The following NAALAD2 variants were observed in gnomAD, a reference collection of about 807,000 sequenced individuals.
NAALAD2 encodes the protein N-acetylated-alpha-linked acidic dipeptidase 2.
Under a neutral mutation model 95.6 loss-of-function variants are expected in NAALAD2, and 89 were observed. That is an observed-to-expected ratio of 0.93 (90% CI 0.78 to 1.11). The LOEUF is 1.11. Among genes scored for constraint, NAALAD2 ranks in the 50% least tolerant of loss-of-function variants. The probability of loss-of-function intolerance (pLI) is 0.00; values close to 1 mark genes in which losing one functional copy is unlikely to be tolerated. For missense variants in NAALAD2, 894 were observed against 872.4 expected (o/e 1.02, Z -0.31); for synonymous variants, 264 against 294.4 (o/e 0.90, Z 1.06).
At chr11:90,134,282 C>A (rs138867320), upstream of NAALAD2, among the ~76,000 whole-genome samples, 1 of 152,076 alleles carries the variant, frequency 6.6e-6, no homozygotes, top group Non-Finnish European at 1.5e-5. Flanking sequence ...GCTTTAACAG[C>A]GGAGCACCCA....
At chr11:90,140,447 CTTCT>C (rs1299548617) in intron 2 of NAALAD2, among the ~76,000 whole-genome samples, 1 of 116,484 alleles carries the variant, frequency 8.6e-6, no homozygotes, top group African/African-American at 4.0e-5. Context: ...TGACAAACCT[CTTCT>C]TTTTTTTTTA....
chr11:90,167,317 G>A (rs1952493532), intron 11 of NAALAD2, among the ~76,000 whole-genome samples: 1 of 152,212 alleles, frequency 6.6e-6, no homozygotes. Flanking sequence ...GGCAGTAAGG[G>A]GCTTAGCGCC....
chr11:90,185,063 G>A (rs1216891803), intron 18 of NAALAD2, among the ~76,000 whole-genome samples: 1 of 151,916 alleles, frequency 6.6e-6, no homozygotes, highest in East Asian at 1.9e-4. Flanking sequence ...AGGGAGTTGA[G>A]CATCCTTAAA....
intron 14 of NAALAD2, among the ~76,000 whole-genome samples, chr11:90,174,955 T>C (rs1952744853): frequency 6.6e-6 from 1 of 152,088 alleles, no homozygotes; most frequent in Non-Finnish European, 1.5e-5. Context: ...TTATTTAAAA[T>C]ATTATGTAAA....
At chr11:90,137,871 G>A (rs1951491149) in intron 2 of NAALAD2, among the ~76,000 whole-genome samples, 1 of 151,976 alleles carries the variant, frequency 6.6e-6, no homozygotes, top group Admixed American at 6.6e-5. Flanking sequence ...TCGAACTCAT[G>A]AGCTCAAGTG....
intron 6 of NAALAD2, among the ~76,000 whole-genome samples, chr11:90,153,331 G>C (rs1204216056): frequency 6.6e-6 from 1 of 151,982 alleles, no homozygotes; most frequent in Non-Finnish European, 1.5e-5. Flanking sequence ...TGAATATTAT[G>C]GTTAGTTGGA....
chr11:90,168,296 G>GT (rs1228353071), intron 11 of NAALAD2, among the ~76,000 whole-genome samples: 10 of 152,182 alleles, frequency 6.6e-5, no homozygotes, highest in Middle Eastern at 3.2e-3. Context: ...TTTAAGAACG[G>GT]TAACACTCAC....
intron 18 of NAALAD2, 100 bp downstream of exon 18, chr11:90,183,108 T>G: frequency 1.3e-6 from 1 of 764,400 alleles, no homozygotes; most frequent in Non-Finnish European, 2.3e-6. Flanking sequence ...AAGGCAAATA[T>G]GTACACTCTA....
intron 18 of NAALAD2, among the ~76,000 whole-genome samples, chr11:90,184,627 T>C (rs915445612): frequency 5.9e-5 from 9 of 152,082 alleles, no homozygotes; most frequent in African/African-American, 2.2e-4. Context: ...TATTTTGTCA[T>C]TATTTTAAAA....
intron 6 of NAALAD2, among the ~76,000 whole-genome samples, chr11:90,152,870 C>CCGATAGATTGT (rs11270311): frequency 0.45 from 68,205 of 151,710 alleles, 16,304 homozygotes; most frequent in African/African-American, 0.62. Context: ...TTTTGAATTA[C>CCGATAGATTGT]ATTTTTTAAA....
intron 12 of NAALAD2, 52 bp downstream of exon 12, chr11:90,169,044 C>T (rs1348126414): frequency 7.4e-7 from 1 of 1,343,316 alleles, no homozygotes; most frequent in Admixed American, 1.9e-5. Context: ...AATTTTACTT[C>T]AAGTAACTTT....
intron 18 of NAALAD2, among the ~76,000 whole-genome samples, chr11:90,188,278 T>C (rs1857220328): frequency 6.6e-6 from 1 of 152,198 alleles, no homozygotes; most frequent in Non-Finnish European, 1.5e-5. Flanking sequence ...GATTCAGTAA[T>C]GAATAAATCA....
intron 18 of NAALAD2, among the ~76,000 whole-genome samples, chr11:90,185,036 G>T (rs1218193572): frequency 6.6e-6 from 1 of 152,074 alleles, no homozygotes; most frequent in Admixed American, 6.6e-5. Flanking sequence ...TATGCAAATA[G>T]TAAGCCATTT....
At chr11:90,136,448 C>G (rs1951456058) in intron 2 of NAALAD2, among the ~76,000 whole-genome samples, 1 of 152,170 alleles carries the variant, frequency 6.6e-6, no homozygotes, top group Admixed American at 6.5e-5. Flanking sequence ...CCATCCCCCT[C>G]CATCTCTGTC....
At chr11:90,161,097 A>G (rs974855036) in intron 8 of NAALAD2, among the ~76,000 whole-genome samples, 18 of 152,196 alleles carry the variant, frequency 1.2e-4, no homozygotes, top group African/African-American at 4.3e-4. Flanking sequence ...GCAAAGTTAA[A>G]TTTCTACTGT....
upstream of NAALAD2, chr11:90,131,723 T>C (rs1451571236): frequency 6.6e-6 from 1 of 152,208 alleles, no homozygotes; most frequent in Non-Finnish European, 1.5e-5. Flanking sequence ...TTGAAGGAAC[T>C]TGAGCTTCAG....
Position 90,158,230 on chromosome 11 carries a change from A to G in NAALAD2, c.882A>G (p.Ile294Met). The G allele has an allele frequency of 6.2e-7, 1 of 1,604,566 alleles. No homozygotes were observed. Among genetic ancestry groups the G allele is most frequent in the Non-Finnish European group, 8.5e-7 (1 of 1,172,266 alleles). The change falls in exon 7 of 19, where the codon ATA becomes ATG. Residue 294 changes from isoleucine to methionine, a missense_variant. Physicochemically the swap from Ile to Met is conservative, Grantham distance 10. Coordinates refer to ENST00000534061, the MANE Select transcript of NAALAD2 (RefSeq NM_005467.4). ...VHPIGYNDAE[I>M]LLRYLGGIAP... ...CCATTGGATATAATGATGCAGAAAT[A>G]TTATTACGGTATAGTTTTCTTGTTG...
chr11:90,149,628 G>A (rs1424048992), intron 4 of NAALAD2, among the ~76,000 whole-genome samples: 1 of 151,832 alleles, frequency 6.6e-6, no homozygotes, highest in Non-Finnish European at 1.5e-5. Flanking sequence ...AGTGGAGACG[G>A]GGTTTCTCTA....
At position 90,134,708 on chromosome 11, in the gene NAALAD2, C is replaced by T; in HGVS notation, c.-51C>T. ...AGCGCGCTCTCTGTTTCTCTGCAGC[C>T]CCGAAGCTCGCGAATGTAGCAGGCG... On this transcript the variant is annotated 5_prime_UTR_variant, in exon 1 of 19. Coordinates refer to ENST00000534061, the MANE Select transcript of NAALAD2 (RefSeq NM_005467.4). 3 of 1,584,882 alleles carry T rather than the reference C, an allele frequency of 1.9e-6. No individual in the cohort carries two copies. The highest frequency in any genetic ancestry group is 1.7e-6 in the Non-Finnish European group (2 of 1,155,146).
Sources: allele counts gnomAD v4.1 joint callset (sites outside exome capture counted in the v4.1 genomes callset), GRCh38; gene constraint gnomAD v4.1.1; transcripts MANE v1.5; gene names NCBI Gene and HGNC (gene_info 2026-07-23, HGNC 2026-07-21).